EPB41L3: variants seen among roughly 807,000 people sequenced by gnomAD.
The protein encoded by EPB41L3 is erythrocyte membrane protein band 4.1 like 3, also known as band 4.1-like protein 3.
In EPB41L3, 57 loss-of-function variants were observed where a neutral mutation model predicts 127.1. The observed-to-expected ratio is 0.45, with a 90% CI of 0.36 to 0.56. EPB41L3 has a LOEUF of 0.56. Ranked by LOEUF, EPB41L3 falls within the 20% of genes least tolerant of loss-of-function variation. EPB41L3 has a pLI of 0.00. For synonymous variants in EPB41L3, 572 were observed against 549.5 expected, an observed-to-expected ratio of 1.04 and a Z score of -0.57; for missense variants, 1,273 against 1,372.2, an observed-to-expected ratio of 0.93 and a Z score of 1.14.
chr18:5,450,432 G>A (rs572893240), intron 3 of EPB41L3, among the ~76,000 whole-genome samples: 1 of 144,962 alleles, frequency 6.9e-6, no homozygotes, highest in East Asian at 2.1e-4. Flanking sequence ...GATCCTTCCT[G>A]TAAGAAATAG....
chr18:5,540,028 C>CACTT (rs2093677514), intron 1 of EPB41L3, among the ~76,000 whole-genome samples: 1 of 152,102 alleles, frequency 6.6e-6, no homozygotes, highest in South Asian at 2.1e-4. Flanking sequence ...AGAGAGACCA[C>CACTT]ATACTTTTTT....
At chr18:5,425,019 G>A (rs554879586) in intron 9 of EPB41L3, among the ~76,000 whole-genome samples, 1 of 152,092 alleles carries the variant, frequency 6.6e-6, no homozygotes, top group African/African-American at 2.4e-5. Context: ...ATTTTTCGAG[G>A]TGAAATACTC....
chr18:5,435,222 GTTAAT>G (rs1187613275), intron 6 of EPB41L3, among the ~76,000 whole-genome samples: 5 of 152,098 alleles, frequency 3.3e-5, no homozygotes, highest in African/African-American at 7.2e-5. Context: ...GTAAGCTAAG[GTTAAT>G]TTATTATTGA....
intron 3 of EPB41L3, among the ~76,000 whole-genome samples, chr18:5,454,209 G>GTTTT (rs558597098): frequency 2.6e-5 from 3 of 116,392 alleles, no homozygotes; most frequent in East Asian, 2.3e-4. Flanking sequence ...TTGTTTCCTT[G>GTTTT]TTTTTTTTTT....
At chr18:5,480,313 A>C (rs1599544537) in intron 2 of EPB41L3, among the ~76,000 whole-genome samples, 1 of 152,342 alleles carries the variant, frequency 6.6e-6, no homozygotes, top group East Asian at 1.9e-4. Context: ...TAGCAGACTA[A>C]GTACCTCAAA....
intron 3 of EPB41L3, among the ~76,000 whole-genome samples, chr18:5,560,912 T>A (rs1476104763): frequency 1.3e-5 from 2 of 152,002 alleles, no homozygotes; most frequent in East Asian, 3.8e-4. Context: ...TGAGAAATTT[T>A]AATTTTCTCA....
chr18:5,527,026 A>C lies in EPB41L3; in HGVS notation c.-12+16887T>G, dbSNP rs559575891. ...TTCATTGGTTAAAAAAAAAAAAAAA[A>C]CTGTTTACCTTAGACTGTGCTAAAA... On this transcript the variant is annotated intron_variant, in intron 1 of 22. Transcript: ENST00000341928. Among the ~76,000 whole-genome samples the C allele has an allele frequency of 5.1e-3, 769 of 149,932 alleles. 6 individuals are homozygous for C. The highest frequency in any genetic ancestry group is 0.017 in the African/African-American group (709 of 40,540).
At chr18:5,429,688 T>C (rs542443658) in intron 8 of EPB41L3, among the ~76,000 whole-genome samples, 3 of 152,338 alleles carry the variant, frequency 2.0e-5, no homozygotes, top group South Asian at 2.1e-4. Flanking sequence ...TTTGGAAACG[T>C]ATCACTCCAT....
intron 3 of EPB41L3, among the ~76,000 whole-genome samples, chr18:5,569,484 G>C (rs950073755): frequency 3.3e-5 from 5 of 152,188 alleles, no homozygotes; most frequent in Non-Finnish European, 5.9e-5. Flanking sequence ...AGCCACATGA[G>C]TGATCACCTC....
intron 1 of EPB41L3, among the ~76,000 whole-genome samples, chr18:5,539,398 C>T (rs1361674955): frequency 2.0e-5 from 3 of 152,150 alleles, no homozygotes; most frequent in African/African-American, 7.2e-5. Context: ...TAGAAGCTTA[C>T]AATTCCAAAG....
rs2074062118 is a variant in EPB41L3 at position 5,399,027 on chromosome 18, A to T, written c.2350-884T>A. The stretch of plus-strand genomic sequence containing the variant: ...GACCTCATATTCTGCCAGGCCGGGA[A>T]TGATCTTCATGGACTCTGGTATTTC... On this transcript the variant is annotated intron_variant, in intron 16 of 22. Coordinates refer to ENST00000341928, the MANE Select transcript of EPB41L3 (RefSeq NM_012307.5). 1.0e-5 allele frequency: 4 copies of T among 399,060 alleles called. No homozygotes were observed. In the Admixed American group the frequency reaches 1.8e-4, roughly 18 times the overall value. 24.7% of individuals were successfully genotyped at this position (399,060 alleles called of 1,614,324 possible).
At chr18:5,485,333 T>C (rs1157130905) in intron 2 of EPB41L3, among the ~76,000 whole-genome samples, 1 of 151,968 alleles carries the variant, frequency 6.6e-6, no homozygotes. Flanking sequence ...AAAATCAGTA[T>C]AGAAGAACAT....
intron 22 of EPB41L3, 83 bp downstream of exon 22, chr18:5,394,594 G>A (rs1442740843): frequency 8.3e-6 from 8 of 967,604 alleles, no homozygotes; most frequent in African/African-American, 3.2e-5. Context: ...GAGGAAAGGA[G>A]GGATCAGGTG....
intron 1 of EPB41L3, among the ~76,000 whole-genome samples, chr18:5,616,422 T>G (rs2094796022): frequency 6.6e-6 from 1 of 152,196 alleles, no homozygotes; most frequent in Non-Finnish European, 1.5e-5. Context: ...GCACCTAAAG[T>G]GTTTTTATGA....
intron 11 of EPB41L3, among the ~76,000 whole-genome samples, chr18:5,421,469 A>G (rs75001497): frequency 1.6e-4 from 24 of 152,312 alleles, no homozygotes; most frequent in African/African-American, 5.5e-4. Context: ...AGCTCGAAAC[A>G]GTCCTGGTAA....
chr18:5,520,789 C>G (rs1482464444), intron 1 of EPB41L3, among the ~76,000 whole-genome samples: 3 of 152,206 alleles, frequency 2.0e-5, no homozygotes, highest in East Asian at 1.9e-4. Context: ...TCTGGTCACC[C>G]TGAACTTCCA....
chr18:5,492,516 TCA>T (rs1396697337), intron 1 of EPB41L3, among the ~76,000 whole-genome samples: 1 of 121,232 alleles, frequency 8.2e-6, no homozygotes, highest in African/African-American at 4.9e-5. Context: ...CCATTTAAAA[TCA>T]CAGCTTTCCC....
At chr18:5,460,113 C>A (rs1376314590) in intron 3 of EPB41L3, among the ~76,000 whole-genome samples, 2 of 152,112 alleles carry the variant, frequency 1.3e-5, no homozygotes, top group African/African-American at 4.8e-5. Flanking sequence ...TCCATGTATG[C>A]CCAGTGTTTA....
chr18:5,402,670 A>C (rs2074698561), intron 16 of EPB41L3, among the ~76,000 whole-genome samples: 1 of 152,206 alleles, frequency 6.6e-6, no homozygotes, highest in South Asian at 2.1e-4. Flanking sequence ...GTACTGATAA[A>C]GAAAAGGTGA....
Sources: gnomAD v4.1 joint callset for allele counts (sites outside exome capture counted in the v4.1 genomes callset) on GRCh38, gnomAD v4.1.1 for gene constraint, MANE v1.5 for transcripts, NCBI Gene and HGNC (gene_info 2026-07-23, HGNC 2026-07-21) for gene names.